The following CAMTA1 variants were observed in gnomAD, a reference collection of about 807,000 sequenced individuals.
The protein encoded by CAMTA1 is calmodulin binding transcription activator 1.
A neutral mutation model predicts 170.9 loss-of-function variants in CAMTA1; 27 were observed. The observed-to-expected ratio is 0.16, with a 90% CI of 0.12 to 0.22. CAMTA1 has a LOEUF of 0.22. Ranked by LOEUF, CAMTA1 falls within the 10% of genes least tolerant of loss-of-function variation. The probability of loss-of-function intolerance (pLI) is 1.00; values close to 1 mark genes in which losing one functional copy is unlikely to be tolerated. For missense variants in CAMTA1, 1,619 were observed against 2,217.2 expected (o/e 0.73, Z 5.42); for synonymous variants, 833 against 891.5 (o/e 0.93, Z 1.17).
chr1:7,343,911 G>A (rs543418494), intron 5 of CAMTA1, among the ~76,000 whole-genome samples: 6 of 152,270 alleles, frequency 3.9e-5, no homozygotes, highest in East Asian at 1.9e-4. Context: ...ATATTCCCCC[G>A]TGGGTCTCTA....
At chr1:6,941,535 C>T (rs1219343167) in intron 3 of CAMTA1, among the ~76,000 whole-genome samples, 4 of 152,176 alleles carry the variant, frequency 2.6e-5, no homozygotes, top group Admixed American at 1.3e-4. Context: ...TTTAGGAGGT[C>T]ATCCCAGAAA....
intron 6 of CAMTA1, among the ~76,000 whole-genome samples, chr1:7,546,358 A>G (rs2094693221): frequency 1.3e-5 from 2 of 152,188 alleles, no homozygotes; most frequent in Non-Finnish European, 2.9e-5. Context: ...GCTGTATAGT[A>G]TTCAATGGTG....
intron 4 of CAMTA1, among the ~76,000 whole-genome samples, chr1:7,142,611 C>T (rs562604541): frequency 1.4e-4 from 22 of 152,202 alleles, no homozygotes; most frequent in Non-Finnish European, 3.1e-4. Flanking sequence ...AGTTCTTGCT[C>T]TGTTAATTCC....
In CAMTA1 at chr1:7,482,426, G is replaced by A. The variant is rs544813145; in HGVS notation, c.510+14525G>A. On this transcript the variant is annotated intron_variant, in intron 6 of 22. Coordinates refer to ENST00000303635, the MANE Select transcript of CAMTA1 (RefSeq NM_015215.4). The surrounding 1 kb of genome is among the most constrained non-coding windows in gnomAD (Gnocchi z 4.2). ...GCCCCTAGGTCCAGCTGTGCCCCACGAGCACAAGCGTCAGCACTCGGTAAA... is the reference window on the plus strand; with the variant it reads ...GCCCCTAGGTCCAGCTGTGCCCCACAAGCACAAGCGTCAGCACTCGGTAAA... Among the ~76,000 whole-genome samples the A allele has an allele frequency of 2.4e-3, 359 of 152,236 alleles. No individual in the cohort carries two copies. Among genetic ancestry groups the A allele is most frequent in the African/African-American group, 8.1e-3 (337 of 41,532 alleles).
At chr1:7,392,490 G>A (rs1261612243) in intron 5 of CAMTA1, among the ~76,000 whole-genome samples, 8 of 150,864 alleles carry the variant, frequency 5.3e-5, no homozygotes, top group African/African-American at 1.2e-4. Flanking sequence ...CCCAACCTCA[G>A]GTGATCCACC....
intron 3 of CAMTA1, among the ~76,000 whole-genome samples, chr1:6,863,965 A>T (rs772483448): frequency 6.7e-4 from 102 of 152,292 alleles, no homozygotes; most frequent in Admixed American, 1.9e-3. Context: ...AGTATTTTAT[A>T]CAGTGTTCTT....
At chr1:7,033,676 C>T (rs545092715) in intron 3 of CAMTA1, among the ~76,000 whole-genome samples, 2 of 148,638 alleles carry the variant, frequency 1.3e-5, no homozygotes, top group East Asian at 4.0e-4. Context: ...TCACTGCAAC[C>T]TCCGCCTCCC....
intron 6 of CAMTA1, among the ~76,000 whole-genome samples, chr1:7,584,109 A>G (rs1042775108): frequency 1.3e-5 from 2 of 152,132 alleles, no homozygotes; most frequent in Admixed American, 6.5e-5. Flanking sequence ...TTGTGCCACA[A>G]TTCTGTATTG....
At chr1:7,053,731 G>T (rs1205435380) in intron 3 of CAMTA1, among the ~76,000 whole-genome samples, 1 of 152,162 alleles carries the variant, frequency 6.6e-6, no homozygotes, top group Non-Finnish European at 1.5e-5. Flanking sequence ...CCAGGTATCT[G>T]CCTGGCTCCC....
intron 17 of CAMTA1, 48 bp from the exon 18 acceptor site, chr1:7,745,797 T>C (rs1577370553): frequency 6.2e-7 from 1 of 1,609,792 alleles, no homozygotes; most frequent in Non-Finnish European, 8.5e-7. Flanking sequence ...TAATGGGTGG[T>C]GCAAATCAAT....
chr1:6,794,997 A>G (rs1387097844), intron 1 of CAMTA1, among the ~76,000 whole-genome samples: 4 of 151,772 alleles, frequency 2.6e-5, no homozygotes, highest in Non-Finnish European at 1.5e-5. Flanking sequence ...ATTACTTAAA[A>G]TCAGGTGTGG....
In CAMTA1 at chr1:7,482,088, T is replaced by G. The variant is rs376376404; in HGVS notation, c.510+14187T>G. ...AACTGGAATCCTGCAGTATATGCAC[T>G]CAGGTATATACTTGGCTTCTTTCAC... is the stretch of plus-strand genomic sequence containing the variant. On this transcript the variant is annotated intron_variant, in intron 6 of 22. Transcript: ENST00000303635. This position sits in a 1 kb window ranked among gnomAD's most constrained non-coding sequence, Gnocchi z 4.2. Among the ~76,000 whole-genome samples the G allele has an allele frequency of 2.6e-5, 4 of 152,170 alleles. No homozygotes were observed. The East Asian group carries it at 7.7e-4, about 29-fold the overall frequency.
intron 3 of CAMTA1, among the ~76,000 whole-genome samples, chr1:6,870,119 G>A (rs1296613205): frequency 1.3e-5 from 2 of 152,102 alleles, no homozygotes; most frequent in African/African-American, 2.4e-5. Context: ...AACTTGACTC[G>A]TGTTACACTA....
At chr1:7,731,491 T>C (rs761852084) in intron 11 of CAMTA1, among the ~76,000 whole-genome samples, 13 of 150,578 alleles carry the variant, frequency 8.6e-5, no homozygotes, top group Admixed American at 2.7e-4. Context: ...AGAATCACTT[T>C]AACCCGGGAG....
intron 3 of CAMTA1, among the ~76,000 whole-genome samples, chr1:6,876,527 T>C (rs1163967038): frequency 6.6e-6 from 1 of 152,090 alleles, no homozygotes; most frequent in Non-Finnish European, 1.5e-5. Context: ...CGTGCCCAAC[T>C]AATTTTTGTA....
intron 3 of CAMTA1, among the ~76,000 whole-genome samples, chr1:6,944,328 A>G (rs1196500519): frequency 6.6e-6 from 1 of 152,172 alleles, no homozygotes; most frequent in Non-Finnish European, 1.5e-5. Flanking sequence ...GTGTGCAAAC[A>G]GAGTGACTCT....
intron 3 of CAMTA1, among the ~76,000 whole-genome samples, chr1:6,987,879 A>G (rs1234426938): frequency 2.0e-5 from 3 of 151,810 alleles, no homozygotes. Flanking sequence ...CCCCAGCCTC[A>G]TGGTCCCCAG....
chr1:7,203,900 C>T (rs540027236), intron 4 of CAMTA1, among the ~76,000 whole-genome samples: 5 of 150,330 alleles, frequency 3.3e-5, no homozygotes, highest in Non-Finnish European at 3.0e-5. Context: ...GGCGTGATCT[C>T]GGCTCACTGC....
chr1:7,446,534 G>A (rs1053112646), intron 5 of CAMTA1, among the ~76,000 whole-genome samples: 3 of 152,152 alleles, frequency 2.0e-5, no homozygotes, highest in Non-Finnish European at 2.9e-5. Flanking sequence ...AGGAGGGCCC[G>A]GGTGGCCACG....
Sources: allele counts gnomAD v4.1 joint callset (sites outside exome capture counted in the v4.1 genomes callset), GRCh38; gene constraint gnomAD v4.1.1; non-coding constraint Gnocchi (gnomAD v3.1); transcripts MANE v1.5; gene names NCBI Gene and HGNC (gene_info 2026-07-23, HGNC 2026-07-21).